Variants in GIN1 observed in about 807,000 individuals in gnomAD.
The protein encoded by GIN1 is gypsy retrotransposon integrase 1, also known as gypsy retrotransposon integrase-like protein 1.
In GIN1, 41 loss-of-function variants were observed where a neutral mutation model predicts 51.4. That is an observed-to-expected ratio of 0.80 (90% confidence interval 0.62 to 1.04). The LOEUF (loss-of-function observed/expected upper bound fraction) is 1.04, where lower values mean the gene tolerates loss of function less well. GIN1 is among the 50% of genes least tolerant of loss of function. The probability of loss-of-function intolerance (pLI) is 0.00; values close to 1 mark genes in which losing one functional copy is unlikely to be tolerated. For missense variants in GIN1, 610 were observed against 612.4 expected (o/e 1.00, Z 0.04); for synonymous variants, 222 against 206.5 (o/e 1.07, Z -0.64).
At chr5:103,111,579 G>A (rs559179518) in intron 1 of GIN1, among the ~76,000 whole-genome samples, 4 of 152,202 alleles carry the variant, frequency 2.6e-5, no homozygotes, top group African/African-American at 7.2e-5. Context: ...AAAAAGAAAA[G>A]GGGAGGAGCT....
At chr5:103,110,832 C>G (rs1193175775) in intron 1 of GIN1, among the ~76,000 whole-genome samples, 2 of 152,160 alleles carry the variant, frequency 1.3e-5, no homozygotes, top group African/African-American at 4.8e-5. Flanking sequence ...GTAAAGGTAT[C>G]AAGAAGTTTT....
chr5:103,096,491 A>G lies in GIN1; in HGVS notation c.1294+50T>C, dbSNP rs1346269921. ...AGAAAGGTTTCTGTTATTTTTAACT[A>G]TTCTCCTTACCTAAAGCAATAAAAA... On this transcript the variant is annotated intron_variant, in intron 7 of 7. Transcript: ENST00000399004. 24 of 1,281,510 alleles carry G rather than the reference A, an allele frequency of 1.9e-5. No homozygotes were observed. The Admixed American group carries it at 4.2e-4, about 22-fold the overall frequency. The allele number at this position is 1,281,510 out of a possible 1,614,324, so 79.4% of individuals were successfully genotyped here. A position where few individuals can be genotyped will look rare whatever the true frequency, so the allele number is the denominator to read the frequency against.
At chr5:103,098,236 G>C (rs2151466420) in intron 4 of GIN1, among the ~76,000 whole-genome samples, 1 of 152,182 alleles carries the variant, frequency 6.6e-6, no homozygotes, top group Middle Eastern at 3.4e-3. Context: ...CATAAAATAT[G>C]TAAAATTTTA....
intron 2 of GIN1, among the ~76,000 whole-genome samples, chr5:103,107,524 T>C (rs1168431858): frequency 6.6e-6 from 1 of 152,076 alleles, no homozygotes; most frequent in Non-Finnish European, 1.5e-5. Flanking sequence ...ACCTTTCCAA[T>C]GTGAATGGGC....
At chr5:103,109,608 G>T (rs1265264687) in intron 1 of GIN1, among the ~76,000 whole-genome samples, 3 of 152,076 alleles carry the variant, frequency 2.0e-5, no homozygotes, top group Non-Finnish European at 4.4e-5. Context: ...CAATTTAAAA[G>T]AAAAGGTTCT....
chr5:103,106,585 C>T, intron 3 of GIN1, 131 bp downstream of exon 3: 1 of 534,986 alleles, frequency 1.9e-6, no homozygotes, highest in Non-Finnish European at 3.2e-6. Flanking sequence ...AAGGGAAATA[C>T]AACTCCCTTT....
At chr5:103,099,623 T>C (rs938380063) in intron 4 of GIN1, among the ~76,000 whole-genome samples, 2 of 152,192 alleles carry the variant, frequency 1.3e-5, no homozygotes, top group Admixed American at 6.5e-5. Flanking sequence ...ATCCAGGGAA[T>C]CCATTTGTGA....
At chr5:103,091,827 C>G (rs782673985) in intron 7 of GIN1, among the ~76,000 whole-genome samples, 5 of 151,900 alleles carry the variant, frequency 3.3e-5, no homozygotes, top group Non-Finnish European at 7.4e-5. Context: ...GAGTTTGAGA[C>G]CAGCCTGGCC....
chr5:103,102,518 G>A (rs1179724634), intron 4 of GIN1: 2 of 152,188 alleles, frequency 1.3e-5, no homozygotes, highest in East Asian at 3.8e-4. Flanking sequence ...TGTGAAACAG[G>A]AAATGAGGGT....
Position 103,092,947 on chromosome 5 carries a change from A to G in GIN1, c.1294+3594T>C, listed in dbSNP as rs7733149. ...GGCAACCATGTAAGAACCTGTCTCA[A>G]AAAAAAAAAAAAAAAAAAAAAAGGA... On this transcript the variant is annotated intron_variant, in intron 7 of 7. Transcript: ENST00000399004. 5.6e-4 allele frequency among the ~76,000 whole-genome samples: 40 copies of G among 71,046 alleles called. 1 individual carries two copies. Among genetic ancestry groups the G allele is most frequent in the African/African-American group, 1.9e-3 (37 of 19,728 alleles). The allele number at this position is 71,046 out of a possible 152,430, so 46.6% of individuals were successfully genotyped here.
chr5:103,094,444 T>C (rs1340687455), intron 7 of GIN1, among the ~76,000 whole-genome samples: 1 of 152,180 alleles, frequency 6.6e-6, no homozygotes, highest in Non-Finnish European at 1.5e-5. Flanking sequence ...CTTATATTAC[T>C]GGAAGAATCT....
Position 103,086,281 on chromosome 5 carries a change from A to T in GIN1, c.*1617T>A, listed in dbSNP as rs1302975221. The T allele has an allele frequency of 1.3e-5, 2 of 152,172 alleles. No individual in the cohort carries two copies. Among genetic ancestry groups the T allele is most frequent in the African/African-American group, 4.8e-5 (2 of 41,434 alleles). 9.4% of individuals were successfully genotyped at this position (152,172 alleles called of 1,614,324 possible). On this transcript the variant is annotated 3_prime_UTR_variant, in exon 8 of 8. Transcript: ENST00000399004. ...ACTGTATTAGAGCCCACCCTATTGA[A>T]ATATGATCTCAACTAATTACACTTG...
chr5:103,087,807 A>G lies in GIN1; in HGVS notation c.*91T>C. The G allele has an allele frequency of 1.7e-6, 1 of 590,664 alleles. No homozygotes were observed. 36.6% of individuals were successfully genotyped at this position (590,664 alleles called of 1,614,324 possible). ...GAATATAGTCATTAAGAATGTGTCA[A>G]GATACTTCTTCTATACAACGTTTTT... On this transcript the variant is annotated 3_prime_UTR_variant, in exon 8 of 8. Transcript: ENST00000399004.
At chr5:103,100,446 C>T (rs1367775240) in intron 4 of GIN1, among the ~76,000 whole-genome samples, 2 of 151,968 alleles carry the variant, frequency 1.3e-5, no homozygotes, top group Non-Finnish European at 2.9e-5. Context: ...AACTGGAATG[C>T]AGTGGTGCAA....
chr5:103,117,084 G>C (rs1463476426), intron 1 of GIN1, among the ~76,000 whole-genome samples: 1 of 152,004 alleles, frequency 6.6e-6, no homozygotes, highest in African/African-American at 2.4e-5. Flanking sequence ...CTAAAAACCT[G>C]TAAGTGTATG....
In GIN1 at chr5:103,097,339, TC is replaced by T; in HGVS notation, c.982del (p.Glu328ArgfsTer18). 6.3e-7 allele frequency: 1 copy of T among 1,597,938 alleles called. No homozygotes were observed. The stretch of plus-strand genomic sequence containing the variant: ...CTGGCCCAGTGAAGTTGTCTTATTC[TC>T]CATTATTTTATCAGCTTCTTTAATT... Reference protein sequence around the residue: ...DAIKEADKIMENKTTSLGQME... With the variant: ...DAIKEADKIMXNKTTSLGQME... On this transcript the variant is annotated frameshift_variant, in exon 6 of 8. Transcript: ENST00000399004. LOFTEE classifies it high-confidence loss of function.
chr5:103,118,259 G>A (rs1554197615), intron 1 of GIN1, among the ~76,000 whole-genome samples: 1 of 152,040 alleles, frequency 6.6e-6, no homozygotes, highest in Non-Finnish European at 1.5e-5. Context: ...ATAGACTTAA[G>A]CCTTAGTATC....
chr5:103,092,878 C>A lies in GIN1; in HGVS notation c.1294+3663G>T, dbSNP rs185200945. 1.4e-3 allele frequency among the ~76,000 whole-genome samples: 170 copies of A among 119,480 alleles called. 1 individual carries two copies. Among genetic ancestry groups the A allele is most frequent in the African/African-American group, 5.4e-3 (165 of 30,744 alleles). The allele number at this position is 119,480 out of a possible 152,430, so 78.4% of individuals were successfully genotyped here. A position where few individuals can be genotyped will look rare whatever the true frequency, so the allele number is the denominator to read the frequency against. On this transcript the variant is annotated intron_variant, in intron 7 of 7. Coordinates refer to ENST00000399004, the MANE Select transcript of GIN1 (RefSeq NM_017676.2). ...GGAAGATTGCTTGAGCCCAGGAAGT[C>A]AAGGCTGCAGTGAGCTATTATTGTG...
rs1240032325 is a variant in GIN1, at chr5:103,086,087, T to C, written c.*1811A>G. The C allele has an allele frequency of 2.0e-5, 3 of 152,322 alleles. No homozygotes were observed. The highest frequency in any genetic ancestry group is 4.8e-5 in the African/African-American group (2 of 41,580). The allele number at this position is 152,322 out of a possible 1,614,324, so 9.4% of individuals were successfully genotyped here. A position where few individuals can be genotyped will look rare whatever the true frequency, so the allele number is the denominator to read the frequency against. The stretch of plus-strand genomic sequence containing the variant: ...TTGACAGGGTTGGTCTTCTGAGGAA[T>C]GAGGAAAAATGTATTCAATGCCTCT... On this transcript the variant is annotated 3_prime_UTR_variant, in exon 8 of 8. Coordinates refer to ENST00000399004, the MANE Select transcript of GIN1 (RefSeq NM_017676.2).
Sources: gnomAD v4.1 joint callset for allele counts (sites outside exome capture counted in the v4.1 genomes callset) on GRCh38, gnomAD v4.1.1 for gene constraint, MANE v1.5 for transcripts, NCBI Gene and HGNC (gene_info 2026-07-23, HGNC 2026-07-21) for gene names.